PDE11A: variants seen among roughly 807,000 people sequenced by gnomAD.
PDE11A encodes the protein phosphodiesterase 11A.
In PDE11A, 100 loss-of-function variants were observed where a neutral mutation model predicts 100.5. The observed-to-expected ratio is 1.00, with a 90% confidence interval of 0.85 to 1.18. The LOEUF is 1.18. Ranked by LOEUF, PDE11A falls within the 50% of genes most tolerant of loss-of-function variation. PDE11A has a pLI of 0.00. For synonymous variants in PDE11A, 381 were observed against 420.8 expected, an observed-to-expected ratio of 0.91 and a Z score of 1.16; for missense variants, 1,141 against 1,152.6, an observed-to-expected ratio of 0.99 and a Z score of 0.15.
chr2:178,041,635 C>T (rs143271059), intron 1 of PDE11A, among the ~76,000 whole-genome samples: 1 of 152,220 alleles, frequency 6.6e-6, no homozygotes, highest in East Asian at 1.9e-4. Flanking sequence ...TATTTTCACA[C>T]ACATATGTTT....
chr2:177,948,361 A>G (rs1372475294), intron 2 of PDE11A, among the ~76,000 whole-genome samples: 3 of 152,136 alleles, frequency 2.0e-5, no homozygotes, highest in Admixed American at 2.0e-4. Context: ...ATCTTAATAT[A>G]CCTGTCGAAT....
chr2:178,097,897 T>C (rs1310518643), intron 2 of PDE11A, among the ~76,000 whole-genome samples: 1 of 152,148 alleles, frequency 6.6e-6, no homozygotes, highest in Non-Finnish European at 1.5e-5. Flanking sequence ...TATTACAACA[T>C]ATAAATCAAG....
At chr2:177,880,691 TA>T (rs1230789450) in intron 4 of PDE11A, among the ~76,000 whole-genome samples, 1 of 152,196 alleles carries the variant, frequency 6.6e-6, no homozygotes, top group African/African-American at 2.4e-5. Flanking sequence ...CTATGTTCCC[TA>T]ACTTTACACT....
At chr2:177,791,670 T>A (rs180681933) in intron 9 of PDE11A, among the ~76,000 whole-genome samples, 1 of 152,172 alleles carries the variant, frequency 6.6e-6, no homozygotes, top group Admixed American at 6.5e-5. Context: ...TTGTGTTTGA[T>A]AGATATGATC....
At chr2:178,040,400 T>C (rs945206284) in intron 1 of PDE11A, among the ~76,000 whole-genome samples, 1 of 152,168 alleles carries the variant, frequency 6.6e-6, no homozygotes, top group Non-Finnish European at 1.5e-5. Context: ...GATGTCCAGT[T>C]TATTCTTCTT....
Position 177,824,957 on chromosome 2 carries a change from A to G in PDE11A, c.1501-4662T>C, listed in dbSNP as rs185413738. ...TCTTGGCTATTAGAATTTTAAAATT[A>G]TTGCTCCTAGTTTGTAAATTTTAGA... On this transcript the variant is annotated intron_variant, in intron 6 of 19. Transcript: ENST00000286063. Among the ~76,000 whole-genome samples the G allele has an allele frequency of 5.0e-4, 76 of 152,318 alleles. 2 individuals are homozygous for G. The highest frequency in any genetic ancestry group is 1.7e-3 in the African/African-American group (70 of 41,574).
At chr2:177,851,396 G>T (rs1227391844) in intron 5 of PDE11A, among the ~76,000 whole-genome samples, 9 of 151,970 alleles carry the variant, frequency 5.9e-5, no homozygotes, top group Admixed American at 5.9e-4. Context: ...GGGGTGGGGG[G>T]ATCGGGGAGG....
chr2:177,773,529 CT>C (rs1160464808), intron 9 of PDE11A, among the ~76,000 whole-genome samples: 1 of 152,100 alleles, frequency 6.6e-6, no homozygotes, highest in Non-Finnish European at 1.5e-5. Flanking sequence ...AGACCTAAAG[CT>C]TTTTTGGATT....
At chr2:177,644,069 G>T (rs962421515) in intron 19 of PDE11A, among the ~76,000 whole-genome samples, 1 of 152,254 alleles carries the variant, frequency 6.6e-6, no homozygotes, top group African/African-American at 2.4e-5. Flanking sequence ...CTCTGCTAGG[G>T]CAGTGTGGGA....
intron 9 of PDE11A, among the ~76,000 whole-genome samples, chr2:177,772,054 A>T (rs770989792): frequency 1.2e-4 from 19 of 152,094 alleles, no homozygotes; most frequent in Non-Finnish European, 2.4e-4. Context: ...TTCTGATCAT[A>T]ACTAATATAG....
intron 1 of PDE11A, among the ~76,000 whole-genome samples, chr2:178,064,540 G>A (rs1327580343): frequency 6.6e-6 from 1 of 152,058 alleles, no homozygotes; most frequent in Admixed American, 6.6e-5. Context: ...TTGTTGAGAG[G>A]ATTAAAAGAG....
intron 10 of PDE11A, among the ~76,000 whole-genome samples, chr2:177,742,095 T>C (rs888929544): frequency 6.6e-6 from 1 of 151,638 alleles, no homozygotes; most frequent in African/African-American, 2.4e-5. Flanking sequence ...AATGCAATTA[T>C]CAGGCTGCAC....
At position 177,825,788 on chromosome 2, in the gene PDE11A, T is replaced by C. The variant is rs1397301667; in HGVS notation, c.1501-5493A>G. Reference sequence around the variant, plus strand: ...CCACCCCAACGAAGTCACCCAAAGTTTCAATGCCTCAATTTTATCATTAAT... The same window carrying C: ...CCACCCCAACGAAGTCACCCAAAGTCTCAATGCCTCAATTTTATCATTAAT... On this transcript the variant is annotated intron_variant, in intron 6 of 19. Transcript: ENST00000286063. Among the ~76,000 whole-genome samples the C allele has an allele frequency of 2.0e-5, 3 of 152,250 alleles. No homozygotes were observed. In the East Asian group the frequency reaches 5.8e-4, roughly 29 times the overall value.
chr2:177,786,561 A>G (rs1368569550), intron 9 of PDE11A, among the ~76,000 whole-genome samples: 1 of 152,242 alleles, frequency 6.6e-6, no homozygotes, highest in African/African-American at 2.4e-5. Flanking sequence ...GAGTTGAGAG[A>G]AGAAGGCTTC....
intron 2 of PDE11A, among the ~76,000 whole-genome samples, chr2:177,944,379 G>A (rs13390014): frequency 0.063 from 9,539 of 152,214 alleles, 310 homozygotes; most frequent in South Asian, 0.093. Flanking sequence ...ATGTGTAACT[G>A]GTAAAGTGTT....
intron 2 of PDE11A, among the ~76,000 whole-genome samples, chr2:177,910,001 T>A (rs1470742221): frequency 6.6e-6 from 1 of 152,230 alleles, no homozygotes; most frequent in Non-Finnish European, 1.5e-5. Flanking sequence ...CTTCTTTATG[T>A]CATTGGTAGC....
intron 9 of PDE11A, among the ~76,000 whole-genome samples, chr2:177,779,938 T>C (rs770499674): frequency 6.6e-6 from 1 of 152,228 alleles, no homozygotes; most frequent in Admixed American, 6.5e-5. Context: ...GCTACAGCCT[T>C]ACAAAATGTA....
intron 2 of PDE11A, among the ~76,000 whole-genome samples, chr2:177,949,354 A>G (rs1483630371): frequency 6.6e-6 from 1 of 152,196 alleles, no homozygotes; most frequent in Non-Finnish European, 1.5e-5. Flanking sequence ...ATGAAGAAGA[A>G]AGTTAAAGTC....
chr2:178,047,353 C>T (rs940026891), intron 1 of PDE11A, among the ~76,000 whole-genome samples: 1 of 151,746 alleles, frequency 6.6e-6, no homozygotes, highest in African/African-American at 2.4e-5. Context: ...ATCCCAGTTA[C>T]TTGGGAGGCT....
Sources: allele counts gnomAD v4.1 joint callset (sites outside exome capture counted in the v4.1 genomes callset), GRCh38; gene constraint gnomAD v4.1.1; transcripts MANE v1.5; gene names NCBI Gene and HGNC (gene_info 2026-07-23, HGNC 2026-07-21).